Variants in P3H2 observed in about 807,000 individuals in gnomAD.
P3H2 encodes leprecan-like 1.
A neutral mutation model predicts 87.0 loss-of-function variants in P3H2; 80 were observed. The observed-to-expected ratio is 0.92, with a 90% CI of 0.77 to 1.11. The LOEUF is 1.11. P3H2 is among the 50% of genes least tolerant of loss of function. The pLI, the probability that P3H2 is intolerant of heterozygous loss-of-function variation, is 0.00. For synonymous variants in P3H2, 367 were observed against 359.3 expected, an observed-to-expected ratio of 1.02 and a Z score of -0.24; for missense variants, 1,001 against 923.9, an observed-to-expected ratio of 1.08 and a Z score of -1.08.
Position 190,097,592 on chromosome 3 carries a change from A to G in P3H2, c.480+22660T>C, listed in dbSNP as rs751129116. ...TTTCTGCCTCAGGTATCATATCTAC[A>G]AAGTCTTACTTGAAAACCTAATTTT... On this transcript the variant is annotated intron_variant, in intron 1 of 14. Coordinates refer to ENST00000319332, the MANE Select transcript of P3H2 (RefSeq NM_018192.4). 2.6e-5 allele frequency among the ~76,000 whole-genome samples: 4 copies of G among 151,616 alleles called. No individual in the cohort carries two copies. In the East Asian group the frequency reaches 7.7e-4, roughly 29 times the overall value.
intron 1 of P3H2, among the ~76,000 whole-genome samples, chr3:190,103,943 C>A (rs2108517857): frequency 6.6e-6 from 1 of 152,160 alleles, no homozygotes; most frequent in Non-Finnish European, 1.5e-5. Context: ...AGGTGCCCGC[C>A]ACCACATCTG....
Position 190,100,417 on chromosome 3 carries a change from A to G in P3H2, c.480+19835T>C, listed in dbSNP as rs1009375747. 1.4e-4 allele frequency among the ~76,000 whole-genome samples: 21 copies of G among 152,288 alleles called. No homozygotes were observed. The East Asian group carries it at 3.5e-3, about 25-fold the overall frequency. ...GATACTAGGATTTATTAAAATGAGGAGTGAACAACTGCTGAGAGTTTCATA... is the reference window on the plus strand; with the variant it reads ...GATACTAGGATTTATTAAAATGAGGGGTGAACAACTGCTGAGAGTTTCATA... On this transcript the variant is annotated intron_variant, in intron 1 of 14. Transcript: ENST00000319332.
chr3:190,017,941 T>C (rs1163605278), intron 1 of P3H2, among the ~76,000 whole-genome samples: 2 of 152,198 alleles, frequency 1.3e-5, no homozygotes, highest in African/African-American at 4.8e-5. Flanking sequence ...ACAGAAATAC[T>C]AGCCCAAGTA....
intron 14 of P3H2, among the ~76,000 whole-genome samples, chr3:189,959,388 A>C (rs531062701): frequency 2.8e-5 from 4 of 141,044 alleles, no homozygotes; most frequent in Non-Finnish European, 4.6e-5. Flanking sequence ...TATATCTCCC[A>C]ATGCTATCCC....
chr3:189,991,113 A>T (rs1723864618), intron 3 of P3H2, among the ~76,000 whole-genome samples: 1 of 152,228 alleles, frequency 6.6e-6, no homozygotes, highest in African/African-American at 2.4e-5. Flanking sequence ...CAAATACAAG[A>T]TCAAGTGTAG....
At chr3:190,015,394 T>C (rs1457874218) in intron 1 of P3H2, among the ~76,000 whole-genome samples, 1 of 152,150 alleles carries the variant, frequency 6.6e-6, no homozygotes, top group African/African-American at 2.4e-5. Flanking sequence ...TGTGAAAAAA[T>C]GTAAAAGCAT....
chr3:190,121,094 G>C (rs1560027499), upstream of P3H2: 1 of 283,106 alleles, frequency 3.5e-6, no homozygotes. Flanking sequence ...TTACACGTGA[G>C]CTCCCTTCTG....
At chr3:189,990,752 T>C (rs1164958905) in intron 3 of P3H2, among the ~76,000 whole-genome samples, 2 of 152,236 alleles carry the variant, frequency 1.3e-5, no homozygotes, top group East Asian at 1.9e-4. Flanking sequence ...AGAGCTGTCA[T>C]ATTACTTTTA....
At chr3:189,995,141 T>C in intron 2 of P3H2, 149 bp downstream of exon 2, 1 of 643,330 alleles carries the variant, frequency 1.6e-6, no homozygotes. Context: ...CTGATCATTA[T>C]ATTCTGAGAA....
intron 13 of P3H2, 63 bp from the exon 14 acceptor site, chr3:189,964,161 G>C: frequency 6.9e-7 from 1 of 1,440,880 alleles, no homozygotes; most frequent in South Asian, 1.1e-5. Flanking sequence ...CACAACTCCT[G>C]CTTCTCTGGC....
At chr3:190,036,326 T>C (rs973547562) in intron 1 of P3H2, among the ~76,000 whole-genome samples, 5 of 152,180 alleles carry the variant, frequency 3.3e-5, no homozygotes, top group Non-Finnish European at 7.3e-5. Context: ...ATCATACATA[T>C]AGACTTCATA....
At chr3:190,020,852 C>G (rs909186023) in intron 1 of P3H2, among the ~76,000 whole-genome samples, 1 of 133,924 alleles carries the variant, frequency 7.5e-6, no homozygotes, top group South Asian at 2.7e-4. Flanking sequence ...AAATGTCAAA[C>G]AAAAGAAAGC....
intron 1 of P3H2, among the ~76,000 whole-genome samples, chr3:190,108,178 G>A (rs564822546): frequency 6.6e-6 from 1 of 151,710 alleles, no homozygotes; most frequent in Non-Finnish European, 1.5e-5. Flanking sequence ...TTGAGACATG[G>A]TCTTGCTCTG....
At chr3:190,101,331 G>A (rs1307855698) in intron 1 of P3H2, among the ~76,000 whole-genome samples, 15 of 99,326 alleles carry the variant, frequency 1.5e-4, no homozygotes, top group Non-Finnish European at 2.2e-4. Context: ...TAGAATAAAA[G>A]CTAGGTTTCT....
chr3:189,974,308 G>T (rs960329788), intron 9 of P3H2: 8 of 607,132 alleles, frequency 1.3e-5, no homozygotes, highest in Admixed American at 2.9e-5. Flanking sequence ...TATATGATAG[G>T]CAGGGACCTT....
At chr3:189,970,382 T>C (rs554639652) in intron 13 of P3H2, among the ~76,000 whole-genome samples, 28 of 149,714 alleles carry the variant, frequency 1.9e-4, no homozygotes, top group Non-Finnish European at 3.8e-4. Flanking sequence ...ATAATTTTGG[T>C]AACTATATAT....
At chr3:189,981,944 AG>A (rs1221327473) in intron 8 of P3H2, among the ~76,000 whole-genome samples, 2 of 152,174 alleles carry the variant, frequency 1.3e-5, no homozygotes, top group Non-Finnish European at 2.9e-5. Context: ...CTGACTTGGA[AG>A]CTAAGGAAGG....
At chr3:190,066,923 T>C (rs1177216162) in intron 1 of P3H2, among the ~76,000 whole-genome samples, 1 of 152,104 alleles carries the variant, frequency 6.6e-6, no homozygotes, top group Non-Finnish European at 1.5e-5. Flanking sequence ...TGCCACTTCC[T>C]GGGTAAAGCT....
chr3:189,996,634 GA>G (rs2108925606), intron 1 of P3H2, among the ~76,000 whole-genome samples: 2 of 152,274 alleles, frequency 1.3e-5, no homozygotes, highest in East Asian at 3.9e-4. Flanking sequence ...CAACATAAAT[GA>G]TAAGTGTTTT....
Sources: allele counts gnomAD v4.1 joint callset (sites outside exome capture counted in the v4.1 genomes callset), GRCh38; gene constraint gnomAD v4.1.1; transcripts MANE v1.5; gene names NCBI Gene and HGNC (gene_info 2026-07-23, HGNC 2026-07-21).